Variants in BCO1 observed in about 807,000 individuals in gnomAD.
The protein encoded by BCO1 is beta,beta-carotene 15,15'-dioxygenase.
A neutral mutation model predicts 56.3 loss-of-function variants in BCO1; 54 were observed. The ratio of observed to expected loss-of-function variants is 0.96; its 90% CI spans 0.77 to 1.20. BCO1 has a LOEUF of 1.20. BCO1 is among the 50% of genes most tolerant of loss of function. The pLI, the probability that BCO1 is intolerant of heterozygous loss-of-function variation, is 0.00. For missense variants in BCO1, 801 were observed against 690.9 expected (o/e 1.16, Z -1.79); for synonymous variants, 318 against 266.1 (o/e 1.20, Z -1.90).
intron 10 of BCO1, among the ~76,000 whole-genome samples, chr16:81,289,723 C>T (rs1908359825): frequency 2.0e-5 from 3 of 152,184 alleles, no homozygotes; most frequent in Admixed American, 6.5e-5. Context: ...CAAAATCCAT[C>T]ATTCAGGAGA....
intron 7 of BCO1, among the ~76,000 whole-genome samples, chr16:81,270,903 C>G (rs1404613375): frequency 6.6e-6 from 1 of 152,106 alleles, no homozygotes; most frequent in Non-Finnish European, 1.5e-5. Context: ...CGCCACCATG[C>G]CCAGAGAATT....
At chr16:81,272,767 G>A (rs1165814027) in intron 7 of BCO1, among the ~76,000 whole-genome samples, 1 of 152,206 alleles carries the variant, frequency 6.6e-6, no homozygotes, top group Admixed American at 6.5e-5. Flanking sequence ...TGCAAGTTAT[G>A]TGCCAGGTAC....
At chr16:81,286,472 G>A (rs968856664) in intron 9 of BCO1, among the ~76,000 whole-genome samples, 3 of 151,972 alleles carry the variant, frequency 2.0e-5, no homozygotes, top group African/African-American at 7.3e-5. Flanking sequence ...GCAACAAAGG[G>A]GTTGTATTGT....
At position 81,255,888 on chromosome 16, in the gene BCO1, C is replaced by A. The variant is rs976976884; in HGVS notation, c.194-3788C>A. ...TTGCCCAGGCTGGACTTCAGTGGCACGATTTCGGCTCACTGCAAGCTCCGC... is the reference window on the plus strand; with the variant it reads ...TTGCCCAGGCTGGACTTCAGTGGCAAGATTTCGGCTCACTGCAAGCTCCGC... On this transcript the variant is annotated intron_variant, in intron 2 of 10. Transcript: ENST00000258168. Among the ~76,000 whole-genome samples, 3 of 151,910 alleles carry A rather than the reference C, an allele frequency of 2.0e-5. 1 individual carries two copies. Among genetic ancestry groups the A allele is most frequent in the Middle Eastern group, 6.3e-3 (2 of 316 alleles).
At chr16:81,269,065 C>CTTT (rs71146003) in intron 6 of BCO1, among the ~76,000 whole-genome samples, 4,233 of 82,938 alleles carry the variant, frequency 0.051, 509 homozygotes, top group African/African-American at 0.16. Flanking sequence ...TGCACCTGGT[C>CTTT]TTTTTTTTTT....
rs199738182 is a variant in BCO1 at position 81,238,923 on chromosome 16, T to C, written c.15T>C (p.Phe5=). 5.0e-5 allele frequency: 80 copies of C among 1,614,056 alleles called. 1 individual carries two copies. The highest frequency in any genetic ancestry group is 1.4e-5 in the Non-Finnish European group (16 of 1,179,982). MDII[F]GRNRKEQLEP... ...CACCCTGAGCAATGGATATAATATT[T>C]GGCAGGAATAGGAAAGAACAGCTGG... The change falls in exon 1 of 11, where the codon TTT becomes TTC. Residue 5 remains phenylalanine, a synonymous_variant. Coordinates refer to ENST00000258168, the MANE Select transcript of BCO1 (RefSeq NM_017429.3).
At chr16:81,255,777 T>C (rs1239972743) in intron 2 of BCO1, among the ~76,000 whole-genome samples, 1 of 151,532 alleles carries the variant, frequency 6.6e-6, no homozygotes, top group East Asian at 1.9e-4. Flanking sequence ...AGTGCTGGGA[T>C]TATAGGAGTG....
intron 7 of BCO1, among the ~76,000 whole-genome samples, chr16:81,273,235 G>A (rs12922930): frequency 0.37 from 56,226 of 151,792 alleles, 11,463 homozygotes; most frequent in Middle Eastern, 0.48. Context: ...CACCCACCTC[G>A]GCCTTCCAAA....
intron 3 of BCO1, among the ~76,000 whole-genome samples, chr16:81,260,898 G>A (rs1331979662): frequency 1.3e-5 from 2 of 152,208 alleles, no homozygotes; most frequent in African/African-American, 4.8e-5. Flanking sequence ...AATCAGGCCT[G>A]CCATCAGTAT....
At chr16:81,264,836 T>A (rs777920537) in intron 5 of BCO1, 49 bp downstream of exon 5, 1 of 1,606,766 alleles carries the variant, frequency 6.2e-7, no homozygotes, top group Non-Finnish European at 8.5e-7. Flanking sequence ...CAAGTGTGGC[T>A]TCTTCTGAAG....
chr16:81,240,384 T>C (rs986346819), intron 1 of BCO1, among the ~76,000 whole-genome samples: 1 of 152,140 alleles, frequency 6.6e-6, no homozygotes, highest in African/African-American at 2.4e-5. Context: ...AATTTGACTG[T>C]TCATCTGTAC....
chr16:81,254,358 C>T (rs1316507518), intron 2 of BCO1, among the ~76,000 whole-genome samples: 1 of 129,688 alleles, frequency 7.7e-6, no homozygotes, highest in Non-Finnish European at 1.5e-5. Flanking sequence ...ACCATGTTGA[C>T]CAGGCTGGTC....
intron 7 of BCO1, among the ~76,000 whole-genome samples, chr16:81,278,798 G>A (rs953201262): frequency 5.9e-5 from 9 of 152,192 alleles, no homozygotes; most frequent in Non-Finnish European, 1.3e-4. Flanking sequence ...CACAGGGTCT[G>A]CTTCTCTCCA....
chr16:81,250,639 G>C (rs2151929808), intron 2 of BCO1, among the ~76,000 whole-genome samples: 1 of 134,710 alleles, frequency 7.4e-6, no homozygotes, highest in East Asian at 2.2e-4. Context: ...GGAGTACAGT[G>C]GCACGATCTC....
chr16:81,253,127 T>C (rs902687593), intron 2 of BCO1, among the ~76,000 whole-genome samples: 9 of 152,012 alleles, frequency 5.9e-5, no homozygotes, highest in Admixed American at 1.3e-4. Context: ...AAAATAAAGA[T>C]AATAAAACTG....
chr16:81,267,951 G>A lies in BCO1; in HGVS notation c.663G>A (p.Val221=), dbSNP rs1597363581. The A allele has an allele frequency of 1.9e-6, 3 of 1,613,932 alleles. No individual in the cohort carries two copies. The highest frequency in any genetic ancestry group is 2.2e-5 in the East Asian group (1 of 44,860). ...AGAGCCCCTGGAAGCACACAGAGGT[G>A]TTCTGCTCCATCCCATCCCGCTCCC... ...QGKSPWKHTE[V]FCSIPSRSLL... Residue 221 remains valine, a synonymous_variant, in exon 6 of 11, where the codon GTG becomes GTA. Transcript: ENST00000258168.
rs772138416 is a variant in BCO1, at chr16:81,285,631, C to T, written c.1299C>T (p.Thr433=). ...ATGVQWSPIP[T]KIIKYDILTK... ...GAGTTCAGTGGAGTCCAATCCCAAC[C>T]AAGGTACTGGTCTCTGTGTATTCAC... Residue 433 remains threonine (T), a synonymous_variant, in exon 9 of 11, where the codon ACC becomes ACT. Coordinates refer to ENST00000258168, the MANE Select transcript of BCO1 (RefSeq NM_017429.3). 3 of 1,594,692 alleles carry T rather than the reference C, an allele frequency of 1.9e-6. No individual in the cohort carries two copies. The highest frequency in any genetic ancestry group is 1.3e-5 in the African/African-American group (1 of 74,500).
chr16:81,269,200 C>T (rs1299961881), intron 6 of BCO1, among the ~76,000 whole-genome samples: 1 of 151,796 alleles, frequency 6.6e-6, no homozygotes, highest in Admixed American at 6.6e-5. Flanking sequence ...CACTTCCCCC[C>T]TCCTGCCTCC....
At chr16:81,262,022 A>C in intron 3 of BCO1, 114 bp from the exon 4 acceptor site, 1 of 1,271,396 alleles carries the variant, frequency 7.9e-7, no homozygotes. Context: ...GATTACAGGC[A>C]CCCGGCCGAA....
Sources: allele counts gnomAD v4.1 joint callset (sites outside exome capture counted in the v4.1 genomes callset), GRCh38; gene constraint gnomAD v4.1.1; transcripts MANE v1.5; gene names NCBI Gene and HGNC (gene_info 2026-07-23, HGNC 2026-07-21).